Variants in FER observed in about 807,000 individuals in gnomAD.
FER encodes the protein tyrosine-protein kinase Fer.
Under a neutral mutation model 111.0 loss-of-function variants are expected in FER, and 63 were observed. The observed-to-expected ratio is 0.57, with a 90% CI of 0.46 to 0.70. The LOEUF is 0.70. Among genes scored for constraint, FER ranks in the 30% least tolerant of loss-of-function variants. The pLI, the probability that FER is intolerant of heterozygous loss-of-function variation, is 0.00. For synonymous variants in FER, 327 were observed against 313.9 expected (o/e 1.04, Z -0.44); for missense variants, 914 against 954.0 (o/e 0.96, Z 0.55).
intron 5 of FER, among the ~76,000 whole-genome samples, chr5:108,851,756 C>T (rs1302344613): frequency 6.6e-6 from 1 of 152,064 alleles, no homozygotes; most frequent in Non-Finnish European, 1.5e-5. Context: ...ATTATATATT[C>T]AGATATAGCC....
intron 6 of FER, among the ~76,000 whole-genome samples, chr5:108,870,438 C>T (rs1034784540): frequency 2.6e-5 from 4 of 152,084 alleles, no homozygotes; most frequent in Non-Finnish European, 5.9e-5. Flanking sequence ...CTGACTAAAT[C>T]TGTATTAAAT....
intron 13 of FER, among the ~76,000 whole-genome samples, chr5:108,972,343 A>G (rs796458498): frequency 1.2e-4 from 18 of 152,142 alleles, no homozygotes; most frequent in African/African-American, 4.1e-4. Flanking sequence ...ATAACCCCTT[A>G]TTCTTAGTAG....
intron 17 of FER, among the ~76,000 whole-genome samples, chr5:109,107,654 C>A (rs1749103639): frequency 6.6e-6 from 1 of 152,138 alleles, no homozygotes; most frequent in Non-Finnish European, 1.5e-5. Flanking sequence ...AACTCAAGGA[C>A]TGAAAGTTCA....
intron 14 of FER, among the ~76,000 whole-genome samples, chr5:109,042,766 T>C (rs908990484): frequency 1.3e-5 from 2 of 152,070 alleles, no homozygotes; most frequent in Non-Finnish European, 2.9e-5. Flanking sequence ...AGCTTCTGAT[T>C]GGAGGTGGGC....
chr5:108,749,328 C>T (rs1257320369), intron 1 of FER, among the ~76,000 whole-genome samples: 1 of 151,230 alleles, frequency 6.6e-6, no homozygotes, highest in Non-Finnish European at 1.5e-5. Flanking sequence ...GCTGAGGGGG[C>T]GGGTGCCGGC....
intron 10 of FER, among the ~76,000 whole-genome samples, chr5:108,920,759 A>T (rs1042539190): frequency 1.3e-5 from 2 of 152,146 alleles, no homozygotes; most frequent in African/African-American, 4.8e-5. Flanking sequence ...TATTTTCTGT[A>T]TAATAACTTG....
At chr5:108,842,704 C>G (rs1761390541) in intron 5 of FER, 1 of 152,152 alleles carries the variant, frequency 6.6e-6, no homozygotes, top group African/African-American at 2.4e-5. Flanking sequence ...TACCTCCTTA[C>G]TCCTGCAAGA....
At chr5:108,792,691 T>G (rs1049688716) in intron 2 of FER, among the ~76,000 whole-genome samples, 2 of 151,934 alleles carry the variant, frequency 1.3e-5, no homozygotes, top group Non-Finnish European at 2.9e-5. Context: ...TTTTTTTTTG[T>G]AAAATTTATT....
chr5:109,149,799 T>C (rs958709452), intron 17 of FER, among the ~76,000 whole-genome samples: 3 of 152,166 alleles, frequency 2.0e-5, no homozygotes, highest in Admixed American at 6.6e-5. Context: ...TTGAAAAAGT[T>C]CCGTTACTTC....
intron 13 of FER, among the ~76,000 whole-genome samples, chr5:108,996,594 G>T (rs1240839160): frequency 6.6e-6 from 1 of 152,064 alleles, no homozygotes; most frequent in Non-Finnish European, 1.5e-5. Flanking sequence ...TATTTCTGAG[G>T]CCTCTATTCT....
intron 13 of FER, among the ~76,000 whole-genome samples, chr5:108,977,369 C>A (rs1237455034): frequency 6.6e-6 from 1 of 152,054 alleles, no homozygotes; most frequent in Admixed American, 6.6e-5. Flanking sequence ...TCATGACATA[C>A]CTTTTTCTTA....
intron 9 of FER, among the ~76,000 whole-genome samples, chr5:108,895,448 C>A (rs993573541): frequency 6.6e-6 from 1 of 152,154 alleles, no homozygotes; most frequent in African/African-American, 2.4e-5. Flanking sequence ...GGGCTAGTTT[C>A]TTCTAGACAC....
intron 17 of FER, among the ~76,000 whole-genome samples, chr5:109,124,152 G>T (rs973031982): frequency 1.6e-4 from 24 of 152,134 alleles, no homozygotes; most frequent in African/African-American, 5.8e-4. Flanking sequence ...GACAGAACCT[G>T]GGAAGTCGAG....
At position 108,844,679 on chromosome 5, in the gene FER, G is replaced by C. The variant is rs370282213; in HGVS notation, c.481+8872G>C. Among the ~76,000 whole-genome samples, 4 of 151,654 alleles carry C rather than the reference G, an allele frequency of 2.6e-5. No homozygotes were observed. In the East Asian group the frequency reaches 5.9e-4, roughly 22 times the overall value. On this transcript the variant is annotated intron_variant, in intron 5 of 19. Coordinates refer to ENST00000281092, the MANE Select transcript of FER (RefSeq NM_005246.4). Reference sequence around the variant, plus strand: ...TCTGTGATCTTCCGTCTTCTATCTCGAGGCAACTACTGAACTGCCTTCTGT... The same window carrying C: ...TCTGTGATCTTCCGTCTTCTATCTCCAGGCAACTACTGAACTGCCTTCTGT...
chr5:108,809,804 C>T (rs943261321), intron 3 of FER, among the ~76,000 whole-genome samples: 5 of 152,194 alleles, frequency 3.3e-5, no homozygotes, highest in African/African-American at 1.2e-4. Flanking sequence ...CTCAAGTGAT[C>T]CTCCTGCCTT....
intron 10 of FER, among the ~76,000 whole-genome samples, chr5:108,923,953 G>A (rs1581218909): frequency 6.6e-6 from 1 of 152,130 alleles, no homozygotes; most frequent in South Asian, 2.1e-4. Context: ...GTTTCAAGAA[G>A]TGCTTGAAAG....
intron 16 of FER, among the ~76,000 whole-genome samples, chr5:109,071,622 A>G (rs1054825725): frequency 6.6e-6 from 1 of 151,984 alleles, no homozygotes; most frequent in African/African-American, 2.4e-5. Flanking sequence ...CTATAACAGT[A>G]TACAGTCTTA....
intron 18 of FER, among the ~76,000 whole-genome samples, chr5:109,183,212 C>T (rs1158841727): frequency 6.6e-6 from 1 of 150,424 alleles, no homozygotes; most frequent in African/African-American, 2.4e-5. Flanking sequence ...TTCCCACAGA[C>T]TACAGTTACT....
At chr5:108,910,487 T>C (rs921877149) in intron 10 of FER, among the ~76,000 whole-genome samples, 8 of 152,186 alleles carry the variant, frequency 5.3e-5, no homozygotes, top group African/African-American at 1.9e-4. Flanking sequence ...TGTTTAAAAA[T>C]TTAATTCCAT....
Sources: allele counts gnomAD v4.1 joint callset (sites outside exome capture counted in the v4.1 genomes callset), GRCh38; gene constraint gnomAD v4.1.1; transcripts MANE v1.5; gene names NCBI Gene and HGNC (gene_info 2026-07-23, HGNC 2026-07-21).